WWOX: variants seen among roughly 807,000 people sequenced by gnomAD.
WWOX encodes WW domain containing oxidoreductase.
Under a neutral mutation model 46.2 loss-of-function variants are expected in WWOX, and 69 were observed. The ratio of observed to expected loss-of-function variants is 1.49; its 90% confidence interval spans 1.23 to 1.82. The LOEUF is 1.82. WWOX is among the 40% of genes most tolerant of loss of function. The probability of loss-of-function intolerance (pLI) is 0.00; values close to 1 mark genes in which losing one functional copy is unlikely to be tolerated. For missense variants in WWOX, 919 were observed against 542.6 expected (o/e 1.69, Z -6.89); for synonymous variants, 359 against 202.6 (o/e 1.77, Z -6.56).
At chr16:78,533,516 G>C (rs2043680830) in intron 8 of WWOX, among the ~76,000 whole-genome samples, 1 of 152,148 alleles carries the variant, frequency 6.6e-6, no homozygotes, top group African/African-American at 2.4e-5. Context: ...TGGCCCACCA[G>C]CTATGGTTTG....
At chr16:78,422,758 CACATATATAT>C (rs1281885791) in intron 6 of WWOX, among the ~76,000 whole-genome samples, 20 of 102,780 alleles carry the variant, frequency 1.9e-4, no homozygotes, top group East Asian at 6.4e-4. Context: ...CACATATATA[CACATATATAT>C]ACACACATAT....
chr16:78,583,867 G>A (rs1012193141), intron 8 of WWOX, among the ~76,000 whole-genome samples: 2 of 152,228 alleles, frequency 1.3e-5, no homozygotes, highest in African/African-American at 2.4e-5. Flanking sequence ...TTCGAGCAAA[G>A]CTGGTTAGTG....
chr16:78,125,723 G>A (rs1275525565), intron 4 of WWOX, among the ~76,000 whole-genome samples: 10 of 152,074 alleles, frequency 6.6e-5, no homozygotes, highest in Admixed American at 5.2e-4. Flanking sequence ...TTTAAAAGCT[G>A]AAGCTTTCTT....
At chr16:79,108,280 C>A (rs1015818930) in intron 8 of WWOX, among the ~76,000 whole-genome samples, 1 of 152,228 alleles carries the variant, frequency 6.6e-6, no homozygotes, top group Non-Finnish European at 1.5e-5. Flanking sequence ...TCAGCGGGGT[C>A]CTGCAGTGCC....
chr16:78,271,431 C>A (rs2079476133), intron 5 of WWOX, among the ~76,000 whole-genome samples: 1 of 152,252 alleles, frequency 6.6e-6, no homozygotes, highest in Non-Finnish European at 1.5e-5. Context: ...ACCTGCATCA[C>A]CTTGCTGGGC....
In WWOX at chr16:78,340,862, G is replaced by A. The variant is rs570568637; in HGVS notation, c.517-45998G>A. Among the ~76,000 whole-genome samples the A allele has an allele frequency of 9.3e-5, 11 of 118,680 alleles. 4 individuals are homozygous for A. In the South Asian group the frequency reaches 2.3e-3, roughly 25 times the overall value. 77.9% of individuals were successfully genotyped at this position (118,680 alleles called of 152,430 possible). A position where few individuals can be genotyped will look rare whatever the true frequency, so the allele number is the denominator to read the frequency against. On this transcript the variant is annotated intron_variant, in intron 5 of 8. Coordinates refer to ENST00000566780, the MANE Select transcript of WWOX (RefSeq NM_016373.4). ...TCTGTGTTTTCAGTATCATGCCACT[G>A]TTCTCACCTGTTTATGTTCTCTTCT...
intron 8 of WWOX, among the ~76,000 whole-genome samples, chr16:78,645,549 C>A (rs569341181): frequency 6.6e-6 from 1 of 152,192 alleles, no homozygotes; most frequent in Middle Eastern, 3.4e-3. Context: ...GCAGCTTCTA[C>A]TCATGGTGGA....
Position 78,383,378 on chromosome 16 carries a change from A to G in WWOX, c.517-3482A>G, listed in dbSNP as rs573008522. Reference sequence around the variant, plus strand: ...CAGTTTGGCCATGTTTTGTGAATCTATAATTAGTTTCAAATAAAAGTTAAC... The same window carrying G: ...CAGTTTGGCCATGTTTTGTGAATCTGTAATTAGTTTCAAATAAAAGTTAAC... On this transcript the variant is annotated intron_variant, in intron 5 of 8. Coordinates refer to ENST00000566780, the MANE Select transcript of WWOX (RefSeq NM_016373.4). Among the ~76,000 whole-genome samples the G allele has an allele frequency of 2.6e-5, 4 of 152,230 alleles. No individual in the cohort carries two copies. In the East Asian group the frequency reaches 5.8e-4, roughly 22 times the overall value.
At chr16:78,736,409 G>C (rs896978404) in intron 8 of WWOX, among the ~76,000 whole-genome samples, 17 of 152,092 alleles carry the variant, frequency 1.1e-4, no homozygotes, top group African/African-American at 3.9e-4. Flanking sequence ...CTGCTAAAAG[G>C]GGATCTGACC....
Position 78,819,878 on chromosome 16 carries a change from T to C in WWOX, c.1056+387126T>C, listed in dbSNP as rs555634709. On this transcript the variant is annotated intron_variant, in intron 8 of 8. Transcript: ENST00000566780. The stretch of plus-strand genomic sequence containing the variant: ...CACTCAGTCTTCTTTGAGTGAGACT[T>C]GAACTCGATTCTGAGTCTCCTCCTT... Among the ~76,000 whole-genome samples the C allele has an allele frequency of 2.0e-5, 3 of 152,354 alleles. No homozygotes were observed. The South Asian group carries it at 6.2e-4, about 32-fold the overall frequency.
chr16:78,167,805 C>G (rs1253829744), intron 5 of WWOX: 2 of 152,242 alleles, frequency 1.3e-5, no homozygotes, highest in Admixed American at 6.5e-5. Context: ...TAGGCTTCGT[C>G]TCTATATCAT....
chr16:78,852,329 A>G (rs970617550), intron 8 of WWOX, among the ~76,000 whole-genome samples: 1 of 152,296 alleles, frequency 6.6e-6, no homozygotes, highest in African/African-American at 2.4e-5. Context: ...CTCTGAAGCT[A>G]GGTGACAAAA....
At chr16:78,470,144 T>C (rs1325485177) in intron 8 of WWOX, among the ~76,000 whole-genome samples, 1 of 152,228 alleles carries the variant, frequency 6.6e-6, no homozygotes, top group Non-Finnish European at 1.5e-5. Flanking sequence ...CTCAGCCGTC[T>C]GACACATGTG....
intron 8 of WWOX, among the ~76,000 whole-genome samples, chr16:78,935,272 A>G (rs1394035465): frequency 4.6e-5 from 7 of 152,228 alleles, no homozygotes; most frequent in Non-Finnish European, 8.8e-5. Flanking sequence ...CCAAAGGATT[A>G]TATATCATGC....
At chr16:79,154,051 G>A (rs145969766) in intron 8 of WWOX, among the ~76,000 whole-genome samples, 18 of 152,282 alleles carry the variant, frequency 1.2e-4, no homozygotes, top group African/African-American at 4.3e-4. Flanking sequence ...AACAACTTTG[G>A]CTCCCTTTGG....
chr16:78,716,796 G>A (rs777147582), intron 8 of WWOX, among the ~76,000 whole-genome samples: 5 of 152,260 alleles, frequency 3.3e-5, no homozygotes, highest in South Asian at 2.1e-4. Flanking sequence ...ACGTGGCCCA[G>A]CATTGTCTTG....
At chr16:78,327,629 C>T (rs2080656042) in intron 5 of WWOX, among the ~76,000 whole-genome samples, 1 of 152,132 alleles carries the variant, frequency 6.6e-6, no homozygotes, top group Non-Finnish European at 1.5e-5. Context: ...ACAGAGATTC[C>T]ACAATCTTCT....
At chr16:78,953,680 G>T (rs1040843788) in intron 8 of WWOX, among the ~76,000 whole-genome samples, 6 of 152,128 alleles carry the variant, frequency 3.9e-5, no homozygotes, top group African/African-American at 1.4e-4. Context: ...AAGCATTTCG[G>T]TAGGCAGTGA....
At chr16:78,786,954 C>A (rs866194022) in intron 8 of WWOX, among the ~76,000 whole-genome samples, 2 of 152,070 alleles carry the variant, frequency 1.3e-5, no homozygotes, top group Admixed American at 1.3e-4. Context: ...TAGAGATGAG[C>A]CTGGGCAACA....
Sources: gnomAD v4.1 joint callset for allele counts (sites outside exome capture counted in the v4.1 genomes callset) on GRCh38, gnomAD v4.1.1 for gene constraint, MANE v1.5 for transcripts, NCBI Gene and HGNC (gene_info 2026-07-23, HGNC 2026-07-21) for gene names.